Variants in AADACL2 observed in about 807,000 individuals in gnomAD.
AADACL2 encodes the protein arylacetamide deacetylase-like 2.
A neutral mutation model predicts 22.3 loss-of-function variants in AADACL2; 23 were observed. The observed-to-expected ratio is 1.03, with a 90% confidence interval of 0.74 to 1.46. The LOEUF is 1.46. Among genes scored for constraint, AADACL2 ranks in the 40% most tolerant of loss-of-function variants. The pLI, the probability that AADACL2 is intolerant of heterozygous loss-of-function variation, is 0.00. For missense variants in AADACL2, 472 were observed against 482.9 expected (o/e 0.98, Z 0.21); for synonymous variants, 177 against 166.2 (o/e 1.07, Z -0.50).
chr3:151,756,779 A>G (rs917707467), intron 4 of AADACL2, among the ~76,000 whole-genome samples: 5 of 151,636 alleles, frequency 3.3e-5, no homozygotes, highest in Non-Finnish European at 7.4e-5. Context: ...TTTTCCTCAC[A>G]CAAAAAATCA....
At chr3:151,740,474 G>A (rs1713242577) in intron 1 of AADACL2, among the ~76,000 whole-genome samples, 172 bp from the exon 2 acceptor site, 1 of 152,234 alleles carries the variant, frequency 6.6e-6, no homozygotes, top group Non-Finnish European at 1.5e-5. Flanking sequence ...TCAAGGGCAA[G>A]AAGGTTATGC....
intron 2 of AADACL2, among the ~76,000 whole-genome samples, chr3:151,742,944 G>T (rs1713324858): frequency 6.6e-6 from 1 of 151,828 alleles, no homozygotes; most frequent in Non-Finnish European, 1.5e-5. Flanking sequence ...CCCTCTTTTT[G>T]GTCTCTGGAG....
chr3:151,753,822 T>A (rs1277822190), intron 4 of AADACL2, among the ~76,000 whole-genome samples: 1 of 151,958 alleles, frequency 6.6e-6, no homozygotes. Context: ...GGGAGCTAGA[T>A]GGTAGGGTAT....
chr3:151,746,452 T>A (rs921237809), intron 4 of AADACL2, among the ~76,000 whole-genome samples: 17 of 151,728 alleles, frequency 1.1e-4, no homozygotes, highest in African/African-American at 3.6e-4. Flanking sequence ...ACTTGTTCCT[T>A]TTAATTTTTC....
Position 151,734,146 on chromosome 3 carries a change from T to C in AADACL2, c.111T>C (p.Asp37=). Residue 37 remains aspartate (D), a synonymous_variant, in exon 1 of 5, where the codon GAT becomes GAC. Transcript: ENST00000356517. ...IEESWKIMAL[D]AIAKTCTFTA... is the part of the protein sequence containing the mutation. ...AAAGCTGGAAAATAATGGCCTTGGA[T>C]GCCATCGCTAAAACTTGTACATTTA... The C allele has an allele frequency of 2.5e-6, 4 of 1,613,510 alleles. No homozygotes were observed. Among genetic ancestry groups the C allele is most frequent in the Non-Finnish European group, 3.4e-6 (4 of 1,179,704 alleles).
chr3:151,759,837 G>T lies in AADACL2; in HGVS notation c.*2243G>T, dbSNP rs982433938. The T allele has an allele frequency of 6.6e-6, 1 of 152,064 alleles. No homozygotes were observed. The highest frequency in any genetic ancestry group is 2.4e-5 in the African/African-American group (1 of 41,424). 9.4% of individuals were successfully genotyped at this position (152,064 alleles called of 1,614,324 possible). ...TCACTGGGTCTTACTTTCAAAGTTT[G>T]TTCCATTTTGTGTGGTGGCATGAGC... On this transcript the variant is annotated 3_prime_UTR_variant, in exon 5 of 5. Transcript: ENST00000356517.
Position 151,734,035 on chromosome 3 carries a change from T to C in AADACL2, c.-1T>C. The C allele has an allele frequency of 6.2e-7, 1 of 1,606,896 alleles. No homozygotes were observed. The highest frequency in any genetic ancestry group is 1.3e-5 in the African/African-American group (1 of 74,840). ...GTGAAGAAGCTGGAAAAAGGGATAT[T>C]ATGGGGCTAAAAGCTCTCTGTTTGG... On this transcript the variant is annotated 5_prime_UTR_variant, in exon 1 of 5. Transcript: ENST00000356517.
At chr3:151,743,094 C>T (rs961188358) in intron 2 of AADACL2, among the ~76,000 whole-genome samples, 7 of 151,926 alleles carry the variant, frequency 4.6e-5, no homozygotes, top group African/African-American at 1.7e-4. Context: ...GTTCTTAGGT[C>T]TTGTACATTT....
At chr3:151,739,462 GAGGCAC>G (rs1358729088) in intron 1 of AADACL2, among the ~76,000 whole-genome samples, 1 of 152,222 alleles carries the variant, frequency 6.6e-6, no homozygotes, top group Non-Finnish European at 1.5e-5. Context: ...TCCCTGTCAG[GAGGCAC>G]AGGGGTCAGC....
At chr3:151,734,578 T>C (rs1713031121) in intron 1 of AADACL2, among the ~76,000 whole-genome samples, 1 of 152,224 alleles carries the variant, frequency 6.6e-6, no homozygotes, top group African/African-American at 2.4e-5. Context: ...TTGATATTAA[T>C]TTAAGGCTCT....
At chr3:151,740,567 C>T in intron 1 of AADACL2, 79 bp from the exon 2 acceptor site, 3 of 966,296 alleles carry the variant, frequency 3.1e-6, no homozygotes, top group African/African-American at 1.7e-5. Context: ...TTTTTTCTTC[C>T]TTTTTAACTT....
intron 4 of AADACL2, among the ~76,000 whole-genome samples, chr3:151,746,621 C>T (rs536039470): frequency 2.6e-5 from 4 of 152,048 alleles, no homozygotes; most frequent in Admixed American, 1.3e-4. Flanking sequence ...CTTATTTCTA[C>T]TCCTAGTTTG....
chr3:151,757,702 C>G lies in AADACL2; in HGVS notation c.*108C>G. 1 of 1,366,558 alleles carries G rather than the reference C, an allele frequency of 7.3e-7. No homozygotes were observed. Among genetic ancestry groups the G allele is most frequent in the South Asian group, 1.5e-5 (1 of 67,670 alleles). The allele number at this position is 1,366,558 out of a possible 1,614,324, so 84.7% of individuals were successfully genotyped here. A position where few individuals can be genotyped will look rare whatever the true frequency, so the allele number is the denominator to read the frequency against. On this transcript the variant is annotated 3_prime_UTR_variant, in exon 5 of 5. Transcript: ENST00000356517. ...TTTGAGTTATCTAAATCTACATTTG[C>G]AACATTTGTAGCAGTTAATGTGTGT...
In AADACL2 at chr3:151,745,585, G is replaced by GA. The variant is rs1713414705; in HGVS notation, c.514dup (p.Ile172AsnfsTer34). The GA allele has an allele frequency of 6.2e-7, 1 of 1,613,398 alleles. No individual in the cohort carries two copies. The highest frequency in any genetic ancestry group is 1.3e-5 in the African/African-American group (1 of 74,826). Reference sequence around the variant, plus strand: ...TGCTGCAGTCAAATTTTTTCTTTTGGAAAAAATTCTTACAAAATATGGAGT... The same window carrying GA: ...TGCTGCAGTCAAATTTTTTCTTTTGGAAAAAAATTCTTACAAAATATGGAGT... On this transcript the variant is annotated frameshift_variant, in exon 4 of 5. Transcript: ENST00000356517. LOFTEE classifies it high-confidence loss of function.
Position 151,760,924 on chromosome 3 carries a change from CA to C in AADACL2, c.*3332del, listed in dbSNP as rs2107995190. 1 of 151,964 alleles carries C rather than the reference CA, an allele frequency of 6.6e-6. No individual in the cohort carries two copies. Among genetic ancestry groups the C allele is most frequent in the South Asian group, 2.1e-4 (1 of 4,804 alleles). 9.4% of individuals were successfully genotyped at this position (151,964 alleles called of 1,614,324 possible). A position where few individuals can be genotyped will look rare whatever the true frequency, so the allele number is the denominator to read the frequency against. ...TTCTCCCGTTGTATGTGTTCTTCCC[CA>C]ATTTTCCCTTTTTATAAAGATAGCA... On this transcript the variant is annotated 3_prime_UTR_variant, in exon 5 of 5. Transcript: ENST00000356517.
At chr3:151,741,268 T>A (rs1019750934) in intron 2 of AADACL2, among the ~76,000 whole-genome samples, 1 of 152,182 alleles carries the variant, frequency 6.6e-6, no homozygotes, top group Non-Finnish European at 1.5e-5. Context: ...CAAGATCAAG[T>A]TTGCAGTTAC....
Position 151,756,987 on chromosome 3 carries a change from T to C in AADACL2, c.604-5T>C. On this transcript the variant is annotated splice_region_variant and splice_polypyrimidine_tract_variant and intron_variant, in intron 4 of 4. Coordinates refer to ENST00000356517, the MANE Select transcript of AADACL2 (RefSeq NM_207365.4). ...GCATTACAGAATATTACCATATATT[T>C]TCAGGTGCAGAATGATGCTGAAATA... 6.3e-7 allele frequency: 1 copy of C among 1,582,746 alleles called. No homozygotes were observed. The highest frequency in any genetic ancestry group is 8.6e-7 in the Non-Finnish European group (1 of 1,168,892).
chr3:151,742,236 G>C (rs968763568), intron 2 of AADACL2, among the ~76,000 whole-genome samples: 1 of 151,686 alleles, frequency 6.6e-6, no homozygotes, highest in African/African-American at 2.4e-5. Flanking sequence ...ATATACTTTT[G>C]TGATCTTTGT....
intron 2 of AADACL2, among the ~76,000 whole-genome samples, chr3:151,741,258 C>A (rs1443161409): frequency 6.6e-6 from 1 of 152,014 alleles, no homozygotes; most frequent in Non-Finnish European, 1.5e-5. Flanking sequence ...TTGGTTGCTA[C>A]AAGATCAAGT....
Sources: allele counts gnomAD v4.1 joint callset (sites outside exome capture counted in the v4.1 genomes callset), GRCh38; gene constraint gnomAD v4.1.1; transcripts MANE v1.5; gene names NCBI Gene and HGNC (gene_info 2026-07-23, HGNC 2026-07-21).